Variants in B3GNT4 observed in about 807,000 individuals in gnomAD.
The protein encoded by B3GNT4 is N-acetyllactosaminide beta-1,3-N-acetylglucosaminyltransferase 4.
B3GNT4 carries 2 observed loss-of-function variants against 2.7 expected under a neutral mutation model. That is an observed-to-expected ratio of 0.73 (90% confidence interval 0.30 to 2.31). The LOEUF (loss-of-function observed/expected upper bound fraction) is 2.31, where lower values mean the gene tolerates loss of function less well. Ranked by LOEUF, B3GNT4 falls within the 30% of genes most tolerant of loss-of-function variation. B3GNT4 has a pLI of 0.12. For missense variants in B3GNT4, 708 were observed against 490.9 expected (o/e 1.44, Z -4.18); for synonymous variants, 280 against 203.4 (o/e 1.38, Z -3.20).
intron 2 of B3GNT4, 81 bp from the exon 3 acceptor site, chr12:122,206,237 G>A (rs61955588): frequency 0.063 from 72,228 of 1,151,180 alleles, 2,671 homozygotes; most frequent in Middle Eastern, 0.12. Context: ...CTTAGCGGCT[G>A]GGGTGCAGGT....
chr12:122,208,422 G>A lies in B3GNT4; in HGVS notation c.*1034G>A, dbSNP rs371241484. Reference sequence around the variant, plus strand: ...TAGGCCTCCTGCTCCGACTCAGCCCGCTCCTCCCCTTCCTCCTGTGTTTTC... The same window carrying A: ...TAGGCCTCCTGCTCCGACTCAGCCCACTCCTCCCCTTCCTCCTGTGTTTTC... On this transcript the variant is annotated 3_prime_UTR_variant, in exon 3 of 3. Coordinates refer to ENST00000324189, the MANE Select transcript of B3GNT4 (RefSeq NM_030765.4). 2.5e-5 allele frequency: 40 copies of A among 1,613,348 alleles called. No individual in the cohort carries two copies. In the African/African-American group the frequency reaches 3.2e-4, roughly 13 times the overall value.
In B3GNT4 at chr12:122,207,351, G is replaced by C. The variant is rs1953945286; in HGVS notation, c.1100G>C (p.Gly367Ala). ...WTMWALVTDE[G>A]LKCAAGPIPQ... ...ATGTGGGCACTGGTGACAGATGAGG[G>C]GCTCAAGTGTGCAGCTGGCCCCATA... The change falls in exon 3 of 3, where the codon GGG (glycine) becomes GCG (alanine). Residue 367 changes from glycine to alanine, a missense_variant. Coordinates refer to ENST00000324189, the MANE Select transcript of B3GNT4 (RefSeq NM_030765.4). 1.3e-6 allele frequency: 2 copies of C among 1,595,384 alleles called. No homozygotes were observed. Among genetic ancestry groups the C allele is most frequent in the African/African-American group, 1.3e-5 (1 of 74,396 alleles).
chr12:122,204,983 T>G, intron 2 of B3GNT4: 1 of 403,364 alleles, frequency 2.5e-6, no homozygotes, highest in Non-Finnish European at 4.5e-6. Flanking sequence ...TGAGCTATAA[T>G]TGTGCCACTG....
Position 122,208,378 on chromosome 12 carries a change from C to T in B3GNT4, c.*990C>T, listed in dbSNP as rs774660045. On this transcript the variant is annotated 3_prime_UTR_variant, in exon 3 of 3. Transcript: ENST00000324189. ...GGGGAGACAGGGCAGTGTGCTCAGG[C>T]CCTCAATCCTCACGCAGGTAGGCCT... The T allele has an allele frequency of 6.2e-7, 1 of 1,611,764 alleles. No individual in the cohort carries two copies. Among genetic ancestry groups the T allele is most frequent in the South Asian group, 1.1e-5 (1 of 91,004 alleles).
chr12:122,207,268 C>G lies in B3GNT4; in HGVS notation c.1017C>G (p.Pro339=), dbSNP rs764646384. The G allele has an allele frequency of 1.2e-6, 2 of 1,614,114 alleles. No homozygotes were observed. The highest frequency in any genetic ancestry group is 2.2e-5 in the South Asian group (2 of 91,050). The change falls in exon 3 of 3, where the codon CCC becomes CCG. Residue 339 remains proline, a synonymous_variant. Coordinates refer to ENST00000324189, the MANE Select transcript of B3GNT4 (RefSeq NM_030765.4). ...GIRRPLDPLD[P]CLYRGLLLVH... ...GGCGGCCCCTGGACCCCTTAGACCC[C>G]TGCCTGTATAGGGGGCTCCTGCTGG...
In B3GNT4 at chr12:122,208,278, C is replaced by T. The variant is rs540458451; in HGVS notation, c.*890C>T. Reference sequence around the variant, plus strand: ...CCTGATTGGCCAGGGCAGGATCTGCCGCCTCTTCTCGGTGCACAGACAGTC... The same window carrying T: ...CCTGATTGGCCAGGGCAGGATCTGCTGCCTCTTCTCGGTGCACAGACAGTC... On this transcript the variant is annotated 3_prime_UTR_variant, in exon 3 of 3. Transcript: ENST00000324189. 43 of 1,399,344 alleles carry T rather than the reference C, an allele frequency of 3.1e-5. 1 individual carries two copies. Among genetic ancestry groups the T allele is most frequent in the South Asian group, 1.0e-4 (9 of 85,822 alleles). 86.7% of individuals were successfully genotyped at this position (1,399,344 alleles called of 1,614,324 possible).
chr12:122,207,992 A>G lies in B3GNT4; in HGVS notation c.*604A>G, dbSNP rs1373042080. The G allele has an allele frequency of 2.1e-6, 1 of 475,690 alleles. No individual in the cohort carries two copies. The highest frequency in any genetic ancestry group is 6.5e-5 in the East Asian group (1 of 15,500). The allele number at this position is 475,690 out of a possible 1,614,324, so 29.5% of individuals were successfully genotyped here. A position where few individuals can be genotyped will look rare whatever the true frequency, so the allele number is the denominator to read the frequency against. On this transcript the variant is annotated 3_prime_UTR_variant, in exon 3 of 3. Coordinates refer to ENST00000324189, the MANE Select transcript of B3GNT4 (RefSeq NM_030765.4). ...AACTGGCATCCCAACAGAGGGAACA[A>G]GTACTAAATCATTTTTGACGACGTA...
rs548725694 is a variant in B3GNT4 at position 122,207,978 on chromosome 12, C to T, written c.*590C>T. 2.3e-4 allele frequency: 110 copies of T among 469,978 alleles called. No homozygotes were observed. Among genetic ancestry groups the T allele is most frequent in the Non-Finnish European group, 4.4e-4 (105 of 237,986 alleles). 29.1% of individuals were successfully genotyped at this position (469,978 alleles called of 1,614,324 possible). Reference sequence around the variant, plus strand: ...CCTCCCCCTGCCACAACTGGCATCCCAACAGAGGGAACAAGTACTAAATCA... The same window carrying T: ...CCTCCCCCTGCCACAACTGGCATCCTAACAGAGGGAACAAGTACTAAATCA... On this transcript the variant is annotated 3_prime_UTR_variant, in exon 3 of 3. Transcript: ENST00000324189.
rs749791795 is a variant in B3GNT4 at position 122,208,748 on chromosome 12, C to T, written c.*1360C>T. Reference sequence around the variant, plus strand: ...GAAACTTCCACCTCTATGTTCAGGTCTGGATTTAACTGACACTCTGTCAAA... The same window carrying T: ...GAAACTTCCACCTCTATGTTCAGGTTTGGATTTAACTGACACTCTGTCAAA... On this transcript the variant is annotated 3_prime_UTR_variant, in exon 3 of 3. Coordinates refer to ENST00000324189, the MANE Select transcript of B3GNT4 (RefSeq NM_030765.4). 1 of 720,204 alleles carries T rather than the reference C, an allele frequency of 1.4e-6. No individual in the cohort carries two copies. Among genetic ancestry groups the T allele is most frequent in the East Asian group, 2.7e-5 (1 of 36,704 alleles). 44.6% of individuals were successfully genotyped at this position (720,204 alleles called of 1,614,324 possible). A position where few individuals can be genotyped will look rare whatever the true frequency, so the allele number is the denominator to read the frequency against.
rs530426732 is a variant in B3GNT4 at position 122,208,403 on chromosome 12, T to G, written c.*1015T>G. 6 of 1,612,732 alleles carry G rather than the reference T, an allele frequency of 3.7e-6. No individual in the cohort carries two copies. Among genetic ancestry groups the G allele is most frequent in the East Asian group, 4.5e-5 (2 of 44,876 alleles). On this transcript the variant is annotated 3_prime_UTR_variant, in exon 3 of 3. Coordinates refer to ENST00000324189, the MANE Select transcript of B3GNT4 (RefSeq NM_030765.4). ...CCCTCAATCCTCACGCAGGTAGGCC[T>G]CCTGCTCCGACTCAGCCCGCTCCTC...
Position 122,204,688 on chromosome 12 carries a change from A to G in B3GNT4, c.66+4A>G. 6.2e-7 allele frequency: 1 copy of G among 1,605,894 alleles called. No individual in the cohort carries two copies. The highest frequency in any genetic ancestry group is 8.5e-7 in the Non-Finnish European group (1 of 1,173,154). ...TAGGAGTGGCCTTTTACCAAAGGTC[A>G]GATTCTTTCACCGCCTCTGCCAGAC... On this transcript the variant is annotated splice_donor_region_variant and intron_variant, in intron 2 of 2. Transcript: ENST00000324189.
At chr12:122,206,238 G>T in intron 2 of B3GNT4, 80 bp from the exon 3 acceptor site, 3 of 1,160,520 alleles carry the variant, frequency 2.6e-6, no homozygotes, top group Non-Finnish European at 3.6e-6. Flanking sequence ...TTAGCGGCTG[G>T]GGTGCAGGTT....
chr12:122,204,562 C>CCCG lies in B3GNT4; in HGVS notation c.-42_-40dup, dbSNP rs374677108. The stretch of plus-strand genomic sequence containing the variant: ...CACCTGAGACTCATCTCGCTTCGAC[C>CCCG]CCGCCGCCGCCGCCGCCCGGCATCC... On this transcript the variant is annotated 5_prime_UTR_variant, in exon 2 of 3. Coordinates refer to ENST00000324189, the MANE Select transcript of B3GNT4 (RefSeq NM_030765.4). 298,522 of 1,435,524 alleles carry CCCG rather than the reference C, an allele frequency of 0.21. 27,834 individuals carry two copies. Among genetic ancestry groups the CCCG allele is most frequent in the Admixed American group, 0.32 (18,801 of 58,616 alleles). The allele number at this position is 1,435,524 out of a possible 1,614,324, so 88.9% of individuals were successfully genotyped here.
Position 122,206,457 on chromosome 12 carries a change from C to T in B3GNT4, c.206C>T (p.Pro69Leu). Residue 69 changes from proline (P) to leucine (L), a missense_variant, in exon 3 of 3, where the codon CCA (proline) becomes CTA (leucine). By Grantham distance (98) the Pro-to-Leu change is moderately conservative. Transcript: ENST00000324189. ...PTAHQPFWAP[P>L]TPRHSRCPPN... ...GCCCACCAGCCTTTCTGGGCTCCCC[C>T]AACACCCCGTCACAGCCGGTGTCCA... 6.2e-7 allele frequency: 1 copy of T among 1,614,182 alleles called. No individual in the cohort carries two copies. The highest frequency in any genetic ancestry group is 8.5e-7 in the Non-Finnish European group (1 of 1,180,020).
At chr12:122,204,759 ACT>A (rs1953893319) in intron 2 of B3GNT4, 75 bp downstream of exon 2, 3 of 1,341,986 alleles carry the variant, frequency 2.2e-6, no homozygotes, top group Admixed American at 1.9e-5. Context: ...GGCTCAGAAA[ACT>A]CTGGCCGGTG....
chr12:122,204,007 G>A (rs958860256), intron 1 of B3GNT4, among the ~76,000 whole-genome samples: 67 of 151,848 alleles, frequency 4.4e-4, no homozygotes, highest in African/African-American at 1.6e-3. Context: ...GCTCGGCTTC[G>A]GTTCTCCAGG....
rs1388700155 is a variant in B3GNT4, at chr12:122,206,695, T to C, written c.444T>C (p.Ala148=). 2 of 1,611,364 alleles carry C rather than the reference T, an allele frequency of 1.2e-6. No individual in the cohort carries two copies. Among genetic ancestry groups the C allele is most frequent in the Admixed American group, 1.7e-5 (1 of 59,934 alleles). ...CGTGGGGCAGGGTGGGGGGATGGGC[T>C]AGGGGCCGGCAGCTGAAGCTGGTGT... ...RSTWGRVGGW[A]RGRQLKLVFL... Residue 148 remains alanine, a synonymous_variant, in exon 3 of 3, where the codon GCT becomes GCC. Transcript: ENST00000324189.
rs1445632210 is a variant in B3GNT4 at position 122,208,896 on chromosome 12, T to G, written c.*1508T>G. On this transcript the variant is annotated 3_prime_UTR_variant, in exon 3 of 3. Transcript: ENST00000324189. ...TTTGATTAATTTTTTTAACTACACA[T>G]CTTCCATTTCTTTTTGACAAAGAGA... 22 of 408,974 alleles carry G rather than the reference T, an allele frequency of 5.4e-5. No individual in the cohort carries two copies. In the Admixed American group the frequency reaches 5.4e-4, roughly 10 times the overall value. 25.3% of individuals were successfully genotyped at this position (408,974 alleles called of 1,614,324 possible). A position where few individuals can be genotyped will look rare whatever the true frequency, so the allele number is the denominator to read the frequency against.
rs763501543 is a variant in B3GNT4, at chr12:122,208,621, G to A, written c.*1233G>A. 71 of 1,593,244 alleles carry A rather than the reference G, an allele frequency of 4.5e-5. No homozygotes were observed. Among genetic ancestry groups the A allele is most frequent in the Middle Eastern group, 3.3e-4 (2 of 6,062 alleles). ...ATCGGGTTGAGCAGCCGTGCAGGGC[G>A]CGGAAGGCTCATGTGGACGTTGGCC... On this transcript the variant is annotated 3_prime_UTR_variant, in exon 3 of 3. Coordinates refer to ENST00000324189, the MANE Select transcript of B3GNT4 (RefSeq NM_030765.4).
Sources: allele counts gnomAD v4.1 joint callset (sites outside exome capture counted in the v4.1 genomes callset), GRCh38; gene constraint gnomAD v4.1.1; transcripts MANE v1.5; gene names NCBI Gene and HGNC (gene_info 2026-07-23, HGNC 2026-07-21).